Variants in COL18A1 observed in about 807,000 individuals in gnomAD.
COL18A1 encodes the protein collagen type XVIII alpha 1 chain.
COL18A1 carries 133 observed loss-of-function variants against 168.0 expected under a neutral mutation model. That is an observed-to-expected ratio of 0.79 (90% CI 0.69 to 0.91). The LOEUF is 0.91. Among genes scored for constraint, COL18A1 ranks in the 40% least tolerant of loss-of-function variants. The pLI is 0.00. For synonymous variants in COL18A1, 949 were observed against 809.0 expected (o/e 1.17, Z -2.94); for missense variants, 2,126 against 1,925.4 (o/e 1.10, Z -1.95).
intron 2 of COL18A1, among the ~76,000 whole-genome samples, chr21:45,438,265 C>T (rs1386579206): frequency 1.7e-5 from 2 of 115,964 alleles, no homozygotes; most frequent in Non-Finnish European, 3.5e-5. Context: ...CACACACTCA[C>T]ACTCAGACAC....
At chr21:45,479,299 GCA>G (rs1380106764) in intron 9 of COL18A1, among the ~76,000 whole-genome samples, 5 of 148,952 alleles carry the variant, frequency 3.4e-5, no homozygotes, top group Admixed American at 6.7e-5. Flanking sequence ...ACACATGTGT[GCA>G]CACACCACAC....
chr21:45,479,886 G>A lies in COL18A1; in HGVS notation c.1249-16G>A, dbSNP rs1398302137. 14 of 1,613,268 alleles carry A rather than the reference G, an allele frequency of 8.7e-6. No homozygotes were observed. Among genetic ancestry groups the A allele is most frequent in the African/African-American group, 2.7e-5 (2 of 74,798 alleles). On this transcript the variant is annotated splice_polypyrimidine_tract_variant and intron_variant, in intron 9 of 41. Transcript: ENST00000651438. ...TGGTGCCTTCCCTGACCGGGCCCCC[G>A]GATGTTGTGTTCCAGGGCGACACCG...
In COL18A1 at chr21:45,493,205, C is replaced by T. The variant is rs1280809356; in HGVS notation, c.2257C>T (p.Arg753Ter). The T allele has an allele frequency of 1.9e-6, 3 of 1,561,738 alleles. No individual in the cohort carries two copies. Among genetic ancestry groups the T allele is most frequent in the Non-Finnish European group, 2.6e-6 (3 of 1,152,802 alleles). The change falls in exon 25 of 42, where the codon CGA becomes TGA. Residue 753 changes from arginine to a stop codon, truncating the protein, a stop_gained. Transcript: ENST00000651438. LOFTEE classifies it high-confidence loss of function. ...PKGNLGSKGE[R>*]GSPGPKGEKG... ...GGGCAACCTGGGCTCTAAGGGCGAA[C>T]GAGGCTCCCCGGGACCCAAGGTAAG... is the stretch of plus-strand genomic sequence containing the variant.
At position 45,468,249 on chromosome 21, in the gene COL18A1, C is replaced by T; in HGVS notation, c.114C>T (p.Ile38=). ...VRAASAEPER[I]SEEVGLLQLL... is the part of the protein sequence containing the mutation. ...CTGTCTTTCTTTTTGCAGAGCGCATCAGCGAGGAGGTGGGGCTGCTGCAGC... is the reference window on the plus strand; with the variant it reads ...CTGTCTTTCTTTTTGCAGAGCGCATTAGCGAGGAGGTGGGGCTGCTGCAGC... The change falls in exon 3 of 42, where the codon ATC becomes ATT. Residue 38 remains isoleucine, a synonymous_variant. Coordinates refer to ENST00000651438, the MANE Select transcript of COL18A1 (RefSeq NM_001379500.1). 2 of 1,613,048 alleles carry T rather than the reference C, an allele frequency of 1.2e-6. No individual in the cohort carries two copies. Among genetic ancestry groups the T allele is most frequent in the South Asian group, 1.1e-5 (1 of 91,088 alleles).
At chr21:45,452,814 G>T (rs1445167791) in intron 2 of COL18A1, among the ~76,000 whole-genome samples, 1 of 151,618 alleles carries the variant, frequency 6.6e-6, no homozygotes, top group Non-Finnish European at 1.5e-5. Context: ...GATTGTGTAT[G>T]CATGTGAGCA....
intron 2 of COL18A1, among the ~76,000 whole-genome samples, chr21:45,447,773 TG>T (rs2034535289): frequency 1.3e-5 from 2 of 152,194 alleles, no homozygotes; most frequent in African/African-American, 4.8e-5. Context: ...GGGTAGAGCA[TG>T]GATGGTTCCC....
chr21:45,465,794 A>G (rs80005182), intron 2 of COL18A1, among the ~76,000 whole-genome samples: 4,444 of 152,226 alleles, frequency 0.029, 232 homozygotes, highest in African/African-American at 0.1. Flanking sequence ...GGAGCACCTG[A>G]TGCTGAGCAC....
intron 2 of COL18A1, among the ~76,000 whole-genome samples, chr21:45,418,711 C>A (rs925633921): frequency 2.5e-4 from 38 of 150,430 alleles, no homozygotes; most frequent in African/African-American, 9.0e-4. Flanking sequence ...GCCTCCCAGC[C>A]ACCTCACGTC....
At chr21:45,485,281 G>T (rs550112022) in intron 15 of COL18A1, among the ~76,000 whole-genome samples, 2 of 149,974 alleles carry the variant, frequency 1.3e-5, no homozygotes, top group East Asian at 4.0e-4. Flanking sequence ...GATTACAGGC[G>T]TGAGCCACCA....
intron 2 of COL18A1, among the ~76,000 whole-genome samples, chr21:45,451,272 T>G (rs1025260346): frequency 6.6e-6 from 1 of 152,208 alleles, no homozygotes; most frequent in South Asian, 2.1e-4. Context: ...CATTTTCTCA[T>G]CAGGGATAGA....
intron 20 of COL18A1, 27 bp downstream of exon 20, chr21:45,490,373 G>T (rs1174113419): frequency 6.5e-7 from 1 of 1,531,278 alleles, no homozygotes; most frequent in East Asian, 2.4e-5. Flanking sequence ...GGCCCAGGGT[G>T]CAGGGGGGGC....
chr21:45,486,193 G>A (rs535636913), intron 15 of COL18A1, among the ~76,000 whole-genome samples: 2 of 152,314 alleles, frequency 1.3e-5, no homozygotes, highest in Non-Finnish European at 2.9e-5. Flanking sequence ...CAATGCCTGT[G>A]TCTACCCTAG....
chr21:45,428,006 G>A (rs1373680301), intron 2 of COL18A1, among the ~76,000 whole-genome samples: 1 of 152,148 alleles, frequency 6.6e-6, no homozygotes, highest in Non-Finnish European at 1.5e-5. Context: ...GGCCTCCTGG[G>A]TCACAGCCAA....
chr21:45,474,366 CTGTCT>C (rs1181968228), intron 4 of COL18A1, among the ~76,000 whole-genome samples: 2 of 139,224 alleles, frequency 1.4e-5, no homozygotes, highest in African/African-American at 5.6e-5. Flanking sequence ...TGTGGTGTGT[CTGTCT>C]TGTGTGTTGT....
intron 2 of COL18A1, among the ~76,000 whole-genome samples, chr21:45,437,366 A>T (rs1277125102): frequency 2.6e-5 from 3 of 114,908 alleles, no homozygotes; most frequent in Non-Finnish European, 1.7e-5. Flanking sequence ...GCGCACACAC[A>T]CACACTCAGA....
intron 31 of COL18A1, 125 bp from the exon 32 acceptor site, chr21:45,497,474 C>T: frequency 2.3e-6 from 3 of 1,306,870 alleles, no homozygotes; most frequent in Non-Finnish European, 3.2e-6. Flanking sequence ...CCTGACTGTC[C>T]CCATGTCCAT....
At chr21:45,510,385 T>A (rs1191451854) in intron 40 of COL18A1, 124 bp downstream of exon 40, 5 of 1,108,588 alleles carry the variant, frequency 4.5e-6, no homozygotes, top group East Asian at 2.6e-5. Context: ...CACTGGCGCC[T>A]AGGCTGGCGA....
At position 45,499,829 on chromosome 21, in the gene COL18A1, AAAG is replaced by A. The variant is rs540050251; in HGVS notation, c.2683+2172_2683+2174del. ...GTTTAAAACACACAGAGTAGATCCA[AAAG>A]AAGGCAAAACATGAGAGAAAAAGGA... On this transcript the variant is annotated intron_variant, in intron 32 of 41. Coordinates refer to ENST00000651438, the MANE Select transcript of COL18A1 (RefSeq NM_001379500.1). 2.0e-5 allele frequency among the ~76,000 whole-genome samples: 3 copies of A among 152,350 alleles called. No individual in the cohort carries two copies. The South Asian group carries it at 6.2e-4, about 32-fold the overall frequency.
chr21:45,506,153 A>G, intron 37 of COL18A1, 187 bp downstream of exon 37: 1 of 826,942 alleles, frequency 1.2e-6, no homozygotes, highest in South Asian at 1.6e-5. Flanking sequence ...GGGTTTAAAG[A>G]AAAGTGAGCT....
Sources: allele counts gnomAD v4.1 joint callset (sites outside exome capture counted in the v4.1 genomes callset), GRCh38; gene constraint gnomAD v4.1.1; transcripts MANE v1.5; gene names NCBI Gene and HGNC (gene_info 2026-07-23, HGNC 2026-07-21).